AGBL1: variants seen among roughly 807,000 people sequenced by gnomAD.
The protein encoded by AGBL1 is cytosolic carboxypeptidase 4.
AGBL1 carries 130 observed loss-of-function variants against 118.9 expected under a neutral mutation model. That is an observed-to-expected ratio of 1.09 (90% CI 0.95 to 1.26). AGBL1 has a LOEUF of 1.26. Ranked by LOEUF, AGBL1 falls within the 50% of genes most tolerant of loss-of-function variation. The probability of loss-of-function intolerance (pLI) is 0.00; values close to 1 mark genes in which losing one functional copy is unlikely to be tolerated. For synonymous variants in AGBL1, 555 were observed against 478.9 expected (o/e 1.16, Z -2.08); for missense variants, 1,584 against 1,298.1 (o/e 1.22, Z -3.38).
At chr15:86,753,402 T>C (rs1319661480) in intron 22 of AGBL1, among the ~76,000 whole-genome samples, 1 of 115,648 alleles carries the variant, frequency 8.6e-6, no homozygotes, top group African/African-American at 3.0e-5. Context: ...TTTTTCTTTT[T>C]TTTTTTTTTT....
chr15:86,959,557 G>A (rs1162183892), intron 23 of AGBL1, among the ~76,000 whole-genome samples: 2 of 151,502 alleles, frequency 1.3e-5, no homozygotes, highest in African/African-American at 4.9e-5. Context: ...AACACCCAAA[G>A]TCTTCTTTTT....
intron 18 of AGBL1, among the ~76,000 whole-genome samples, chr15:86,415,911 A>T (rs1251349050): frequency 6.6e-6 from 1 of 152,228 alleles, no homozygotes; most frequent in Non-Finnish European, 1.5e-5. Context: ...AACAAAGAGA[A>T]TATATCCTTC....
At chr15:86,219,662 A>T (rs2078247372) in intron 5 of AGBL1, among the ~76,000 whole-genome samples, 1 of 152,064 alleles carries the variant, frequency 6.6e-6, no homozygotes, top group Non-Finnish European at 1.5e-5. Flanking sequence ...GAACATCTAA[A>T]CCCGCTTAAG....
At chr15:86,682,240 A>T (rs9783728) in intron 22 of AGBL1, among the ~76,000 whole-genome samples, 4,116 of 152,274 alleles carry the variant, frequency 0.027, 192 homozygotes, top group African/African-American at 0.094. Flanking sequence ...ATCCTGCTTT[A>T]AAACATTAAA....
At chr15:86,389,688 T>C (rs2141977582) in intron 17 of AGBL1, among the ~76,000 whole-genome samples, 1 of 152,164 alleles carries the variant, frequency 6.6e-6, no homozygotes, top group Admixed American at 6.5e-5. Context: ...TAGTGGAAAC[T>C]AAAATATAGT....
intron 22 of AGBL1, among the ~76,000 whole-genome samples, chr15:86,889,486 A>G (rs559817493): frequency 1.2e-4 from 18 of 152,178 alleles, no homozygotes; most frequent in African/African-American, 3.9e-4. Flanking sequence ...AGATCGACCT[A>G]TCACCTAGGT....
chr15:86,269,699 A>G (rs1438279226), intron 13 of AGBL1, among the ~76,000 whole-genome samples: 2 of 152,204 alleles, frequency 1.3e-5, no homozygotes, highest in Admixed American at 1.3e-4. Context: ...GCTATTGTGT[A>G]ATTGACTCTT....
At chr15:86,775,806 A>C (rs768408656) in intron 22 of AGBL1, among the ~76,000 whole-genome samples, 36 of 152,248 alleles carry the variant, frequency 2.4e-4, no homozygotes, top group Non-Finnish European at 4.7e-4. Flanking sequence ...ACATTTAGAA[A>C]ATATTATGAC....
At chr15:86,881,185 A>T (rs1389706317) in intron 22 of AGBL1, among the ~76,000 whole-genome samples, 2 of 152,182 alleles carry the variant, frequency 1.3e-5, no homozygotes, top group East Asian at 3.9e-4. Flanking sequence ...TTTGTTTTTA[A>T]GACAGAAATG....
At chr15:86,837,397 T>A (rs2079184584) in intron 22 of AGBL1, among the ~76,000 whole-genome samples, 1 of 152,174 alleles carries the variant, frequency 6.6e-6, no homozygotes, top group African/African-American at 2.4e-5. Context: ...GTCACCAAAT[T>A]ACAGCCTCCA....
At chr15:86,309,739 A>C (rs1417764801) in intron 17 of AGBL1, among the ~76,000 whole-genome samples, 1 of 152,158 alleles carries the variant, frequency 6.6e-6, no homozygotes, top group Non-Finnish European at 1.5e-5. Flanking sequence ...TTTGTAACAC[A>C]TTTGTACATG....
chr15:86,347,395 G>A (rs572641447), intron 17 of AGBL1, among the ~76,000 whole-genome samples: 12 of 152,320 alleles, frequency 7.9e-5, no homozygotes, highest in African/African-American at 2.9e-4. Context: ...CTTGCTACCT[G>A]TAACAACAGG....
At chr15:86,774,650 G>C (rs1416228303) in intron 22 of AGBL1, among the ~76,000 whole-genome samples, 1 of 152,028 alleles carries the variant, frequency 6.6e-6, no homozygotes, top group African/African-American at 2.4e-5. Context: ...CTATCATTGA[G>C]GGCTAGTGGA....
chr15:86,520,893 T>G (rs1174521209), intron 18 of AGBL1, among the ~76,000 whole-genome samples: 1 of 152,244 alleles, frequency 6.6e-6, no homozygotes, highest in Non-Finnish European at 1.5e-5. Flanking sequence ...CTGGGCTGCC[T>G]GTTCCTTTCT....
chr15:86,539,408 A>G (rs2083465655), intron 19 of AGBL1, among the ~76,000 whole-genome samples: 1 of 152,166 alleles, frequency 6.6e-6, no homozygotes, highest in Non-Finnish European at 1.5e-5. Context: ...TGGTGCCTTA[A>G]GCTAGGCCCT....
Position 86,885,687 on chromosome 15 carries a change from T to C in AGBL1, c.3159-21400T>C, listed in dbSNP as rs28694860. On this transcript the variant is annotated intron_variant, in intron 22 of 22. Coordinates refer to ENST00000614907, the MANE Select transcript of AGBL1 (RefSeq NM_001386094.1). ...AAGATATAGATAACTGTAAATGTGT[T>C]ACTTCTAACTAAAATAGAATAAGAC... 3.5e-3 allele frequency among the ~76,000 whole-genome samples: 536 copies of C among 152,322 alleles called. 4 individuals carry two copies. The highest frequency in any genetic ancestry group is 0.012 in the African/African-American group (513 of 41,576).
At chr15:86,765,276 C>T (rs1596461709) in intron 22 of AGBL1, among the ~76,000 whole-genome samples, 1 of 151,962 alleles carries the variant, frequency 6.6e-6, no homozygotes. Flanking sequence ...AACAAATAAT[C>T]ATTGTGCTCC....
chr15:86,687,872 T>G (rs2086089107), intron 22 of AGBL1, among the ~76,000 whole-genome samples: 2 of 152,126 alleles, frequency 1.3e-5, no homozygotes, highest in South Asian at 4.1e-4. Context: ...CCATACACAC[T>G]GGCAGCCAGG....
chr15:86,446,719 G>C (rs1217403172), intron 18 of AGBL1, among the ~76,000 whole-genome samples: 1 of 152,192 alleles, frequency 6.6e-6, no homozygotes, highest in Non-Finnish European at 1.5e-5. Flanking sequence ...GAATAAATCT[G>C]TGTTAGTAAC....
Sources: gnomAD v4.1 joint callset for allele counts (sites outside exome capture counted in the v4.1 genomes callset) on GRCh38, gnomAD v4.1.1 for gene constraint, MANE v1.5 for transcripts, NCBI Gene and HGNC (gene_info 2026-07-23, HGNC 2026-07-21) for gene names.